The following NAALADL2 variants were observed in gnomAD, a reference collection of about 807,000 sequenced individuals.
The protein encoded by NAALADL2 is inactive N-acetylated-alpha-linked acidic dipeptidase-like protein 2.
Under a neutral mutation model 87.2 loss-of-function variants are expected in NAALADL2, and 76 were observed. The ratio of observed to expected loss-of-function variants is 0.87; its 90% CI spans 0.72 to 1.05. The LOEUF is 1.05. NAALADL2 is among the 50% of genes least tolerant of loss of function. The probability of loss-of-function intolerance (pLI) is 0.00; values close to 1 mark genes in which losing one functional copy is unlikely to be tolerated. For missense variants in NAALADL2, 1,089 were observed against 945.8 expected (o/e 1.15, Z -1.99); for synonymous variants, 354 against 331.0 (o/e 1.07, Z -0.75).
intron 1 of NAALADL2, among the ~76,000 whole-genome samples, chr3:174,454,956 T>G (rs924862678): frequency 1.5e-4 from 23 of 151,640 alleles, no homozygotes; most frequent in Middle Eastern, 3.4e-3. Flanking sequence ...AGTTGTTTTT[T>G]TTTTTTGAAA....
intron 2 of NAALADL2, among the ~76,000 whole-genome samples, chr3:175,128,360 T>A (rs1430080578): frequency 6.6e-6 from 1 of 152,220 alleles, no homozygotes; most frequent in Admixed American, 6.5e-5. Context: ...GTCTAATTTT[T>A]CAACATTTGT....
intron 1 of NAALADL2, among the ~76,000 whole-genome samples, chr3:174,893,310 A>G (rs1579397834): frequency 7.2e-6 from 1 of 139,376 alleles, no homozygotes; most frequent in South Asian, 2.3e-4. Context: ...GAGTACTTCA[A>G]CCCCCCCCCG....
At chr3:175,368,518 A>T (rs1765977789) in intron 5 of NAALADL2, among the ~76,000 whole-genome samples, 1 of 151,822 alleles carries the variant, frequency 6.6e-6, no homozygotes, top group Non-Finnish European at 1.5e-5. Flanking sequence ...CGAATCTCTA[A>T]CACATTTTGG....
At chr3:175,185,912 T>A (rs1379363363) in intron 2 of NAALADL2, among the ~76,000 whole-genome samples, 1 of 151,972 alleles carries the variant, frequency 6.6e-6, no homozygotes, top group African/African-American at 2.4e-5. Context: ...AAATTTATAT[T>A]TTCACATACT....
chr3:175,012,951 T>C (rs957876669), intron 1 of NAALADL2, among the ~76,000 whole-genome samples: 1 of 139,486 alleles, frequency 7.2e-6, no homozygotes, highest in Admixed American at 7.4e-5. Context: ...TTGTCCAATA[T>C]AGCCTAGATG....
chr3:175,043,504 T>A (rs1264222544), intron 1 of NAALADL2, among the ~76,000 whole-genome samples: 1 of 152,182 alleles, frequency 6.6e-6, no homozygotes, highest in Non-Finnish European at 1.5e-5. Context: ...CCCAAAGTGC[T>A]GGCGTTACAG....
chr3:174,454,351 A>T (rs1715683977), intron 1 of NAALADL2, among the ~76,000 whole-genome samples: 1 of 152,084 alleles, frequency 6.6e-6, no homozygotes, highest in African/African-American at 2.4e-5. Context: ...AAAATTAACG[A>T]TATTCAGGAC....
intron 3 of NAALADL2, among the ~76,000 whole-genome samples, chr3:174,758,087 G>A (rs929717255): frequency 1.3e-5 from 2 of 152,162 alleles, no homozygotes; most frequent in Non-Finnish European, 2.9e-5. Flanking sequence ...AGAACTGCAG[G>A]TCATGAGTGC....
chr3:175,038,026 A>G (rs569218598), intron 1 of NAALADL2, among the ~76,000 whole-genome samples: 2 of 152,294 alleles, frequency 1.3e-5, no homozygotes, highest in East Asian at 1.9e-4. Context: ...GAAATTGTAG[A>G]TTCTTACAAG....
chr3:175,454,385 C>A (rs991972991), intron 6 of NAALADL2, among the ~76,000 whole-genome samples: 1 of 152,068 alleles, frequency 6.6e-6, no homozygotes, highest in Non-Finnish European at 1.5e-5. Flanking sequence ...CATGCCCCTG[C>A]TCTGCTTAAT....
Position 175,034,301 on chromosome 3 carries a change from G to A in NAALADL2, c.44-62489G>A, listed in dbSNP as rs143551024. 2.8e-3 allele frequency among the ~76,000 whole-genome samples: 422 copies of A among 152,154 alleles called. 5 individuals carry two copies. Among genetic ancestry groups the A allele is most frequent in the East Asian group, 0.014 (70 of 5,174 alleles). On this transcript the variant is annotated intron_variant, in intron 1 of 13. Transcript: ENST00000454872. ...TATTGTACAGCACATGTGCATTGTT[G>A]CCTTTAAAGCCAGATACAAGTTCTG...
At chr3:175,736,190 G>A (rs58483871) in intron 11 of NAALADL2, among the ~76,000 whole-genome samples, 2,238 of 152,300 alleles carry the variant, frequency 0.015, 54 homozygotes, top group African/African-American at 0.05. Flanking sequence ...TTCAGCTGTA[G>A]TGCATGTGTT....
chr3:175,772,198 G>C (rs1749582061), intron 13 of NAALADL2, among the ~76,000 whole-genome samples: 1 of 152,120 alleles, frequency 6.6e-6, no homozygotes, highest in South Asian at 2.1e-4. Context: ...AGATAATACA[G>C]GGAATATGAG....
At chr3:175,015,465 CT>C (rs939305777) in intron 1 of NAALADL2, among the ~76,000 whole-genome samples, 2 of 151,884 alleles carry the variant, frequency 1.3e-5, no homozygotes, top group Admixed American at 6.6e-5. Flanking sequence ...TTAGGACTGA[CT>C]TTTTTTTATC....
intron 2 of NAALADL2, among the ~76,000 whole-genome samples, chr3:175,123,700 T>C (rs1338581816): frequency 6.6e-6 from 1 of 151,884 alleles, no homozygotes; most frequent in African/African-American, 2.4e-5. Flanking sequence ...GAATACATAT[T>C]AATCTTTCAA....
At chr3:174,495,233 G>A (rs1370531318) in intron 1 of NAALADL2, among the ~76,000 whole-genome samples, 1 of 140,146 alleles carries the variant, frequency 7.1e-6, no homozygotes, top group African/African-American at 2.7e-5. Context: ...TATGTGTAGA[G>A]TTGCTTAAGG....
chr3:174,558,356 G>A (rs114479526), intron 2 of NAALADL2, among the ~76,000 whole-genome samples: 2 of 152,102 alleles, frequency 1.3e-5, no homozygotes, highest in African/African-American at 2.4e-5. Flanking sequence ...GTACGGGGGG[G>A]ATGGTTTTAG....
chr3:175,219,868 C>T (rs12493991), intron 2 of NAALADL2, among the ~76,000 whole-genome samples: 28,536 of 116,082 alleles, frequency 0.25, 3,103 homozygotes, highest in African/African-American at 0.39. Flanking sequence ...GGTTTTCTTT[C>T]TTTTTTTTTT....
intron 5 of NAALADL2, among the ~76,000 whole-genome samples, chr3:175,423,018 G>A (rs866873756): frequency 8.1e-3 from 500 of 61,554 alleles, no homozygotes; most frequent in Middle Eastern, 0.017. Context: ...AGGTCCTTAA[G>A]AAAAAAAAAA....
Sources: gnomAD v4.1 joint callset for allele counts (sites outside exome capture counted in the v4.1 genomes callset) on GRCh38, gnomAD v4.1.1 for gene constraint, MANE v1.5 for transcripts, NCBI Gene and HGNC (gene_info 2026-07-23, HGNC 2026-07-21) for gene names.